SIDT1: variants seen among roughly 807,000 people sequenced by gnomAD.
SIDT1 encodes SID1 transmembrane family, member 1.
Under a neutral mutation model 107.5 loss-of-function variants are expected in SIDT1, and 101 were observed. That is an observed-to-expected ratio of 0.94 (90% CI 0.80 to 1.11). The LOEUF (loss-of-function observed/expected upper bound fraction) is 1.11. SIDT1 is among the 50% of genes least tolerant of loss of function. The pLI is 0.00. For missense variants in SIDT1, 1,076 were observed against 1,058.2 expected, an observed-to-expected ratio of 1.02 and a Z score of -0.23; for synonymous variants, 395 against 398.2, an observed-to-expected ratio of 0.99 and a Z score of 0.10.
chr3:113,607,688 AC>A (rs1945437972), intron 15 of SIDT1, among the ~76,000 whole-genome samples: 1 of 152,194 alleles, frequency 6.6e-6, no homozygotes, highest in Admixed American at 6.5e-5. Context: ...GCTGACACTT[AC>A]CTGAAATTCA....
chr3:113,556,515 T>A (rs1940872428), intron 1 of SIDT1, among the ~76,000 whole-genome samples: 1 of 152,094 alleles, frequency 6.6e-6, no homozygotes, highest in Non-Finnish European at 1.5e-5. Flanking sequence ...TAACATGCAA[T>A]CCCATGAAGA....
chr3:113,534,063 G>C (rs1398588382), intron 1 of SIDT1, among the ~76,000 whole-genome samples: 1 of 152,144 alleles, frequency 6.6e-6, no homozygotes, highest in East Asian at 1.9e-4. Context: ...TGGGCGGGGA[G>C]AGAGAGGGAG....
intron 3 of SIDT1, among the ~76,000 whole-genome samples, chr3:113,576,629 A>G (rs1184137449): frequency 6.6e-6 from 1 of 152,190 alleles, no homozygotes; most frequent in Non-Finnish European, 1.5e-5. Flanking sequence ...CCAAGGCAAA[A>G]GTGGCTACAA....
At chr3:113,598,075 A>G (rs1944702592) in intron 10 of SIDT1, among the ~76,000 whole-genome samples, 1 of 152,222 alleles carries the variant, frequency 6.6e-6, no homozygotes, top group South Asian at 2.1e-4. Context: ...GAATGAAAAC[A>G]TTTTTGCATG....
Position 113,580,192 on chromosome 3 carries a change from C to T in SIDT1, c.562-416C>T, listed in dbSNP as rs140396565. The stretch of plus-strand genomic sequence containing the variant: ...AATTATTGAGGAACAGGCTTATCTG[C>T]TTTTCAATATGGAATTTTCGTATGT... On this transcript the variant is annotated intron_variant, in intron 4 of 24. Transcript: ENST00000264852. Among the ~76,000 whole-genome samples the T allele has an allele frequency of 5.3e-5, 8 of 152,240 alleles. No individual in the cohort carries two copies. The East Asian group carries it at 1.2e-3, about 22-fold the overall frequency.
chr3:113,571,159 C>T (rs372904217), intron 3 of SIDT1, among the ~76,000 whole-genome samples: 44 of 152,152 alleles, frequency 2.9e-4, no homozygotes, highest in Admixed American at 1.4e-3. Flanking sequence ...CAGTGGCTCC[C>T]GCCTGTAATT....
chr3:113,623,577 G>A, intron 22 of SIDT1, 45 bp downstream of exon 22: 1 of 1,600,314 alleles, frequency 6.2e-7, no homozygotes, highest in Non-Finnish European at 8.6e-7. Context: ...CCTCGGGCAG[G>A]CGAAGGCGGG....
chr3:113,581,517 T>C, intron 6 of SIDT1, 73 bp downstream of exon 6: 2 of 1,205,410 alleles, frequency 1.7e-6, no homozygotes. Flanking sequence ...TGGGCCAGCA[T>C]CCAAAAGGGA....
chr3:113,560,535 T>C (rs1474302895), intron 1 of SIDT1, among the ~76,000 whole-genome samples: 1 of 152,094 alleles, frequency 6.6e-6, no homozygotes, highest in Non-Finnish European at 1.5e-5. Context: ...GAGGAGGAGC[T>C]GTAGAGGTAC....
chr3:113,561,951 C>T (rs897357196), intron 1 of SIDT1, among the ~76,000 whole-genome samples: 4 of 152,140 alleles, frequency 2.6e-5, no homozygotes, highest in African/African-American at 7.2e-5. Flanking sequence ...ACTGCTATAG[C>T]TTTTAAGCCA....
chr3:113,594,727 G>A (rs1176594122), intron 10 of SIDT1: 1 of 152,306 alleles, frequency 6.6e-6, no homozygotes, highest in African/African-American at 2.4e-5. Flanking sequence ...ACCAAAAAGA[G>A]TAAAGATGCA....
chr3:113,544,596 T>C (rs1183584040), intron 1 of SIDT1, among the ~76,000 whole-genome samples: 3 of 152,200 alleles, frequency 2.0e-5, no homozygotes, highest in Non-Finnish European at 4.4e-5. Flanking sequence ...GTTTGGAGAA[T>C]GTCTCACAAT....
chr3:113,534,324 G>T (rs1226904726), intron 1 of SIDT1, among the ~76,000 whole-genome samples: 11 of 152,164 alleles, frequency 7.2e-5, no homozygotes, highest in Admixed American at 7.2e-4. Flanking sequence ...ATTGAGCAGG[G>T]GGGACCAATG....
Position 113,533,155 on chromosome 3 carries a change from G to A in SIDT1, c.134G>A (p.Gly45Asp). ...PRRDPFDAAR[G>D]ADFDHVYSGV... ...CGCGACCCCTTCGACGCTGCCAGGG[G>A]CGCCGATTTCGATCATGTCTACAGC... The change falls in exon 1 of 25, where the codon GGC (glycine) becomes GAC (aspartate). Residue 45 changes from glycine (G) to aspartate (D), a missense_variant. Transcript: ENST00000264852. The A allele has an allele frequency of 6.3e-7, 1 of 1,578,284 alleles. No individual in the cohort carries two copies. Among genetic ancestry groups the A allele is most frequent in the Non-Finnish European group, 8.6e-7 (1 of 1,163,822 alleles).
intron 3 of SIDT1, among the ~76,000 whole-genome samples, chr3:113,569,265 G>C (rs943148123): frequency 5.3e-5 from 8 of 152,198 alleles, no homozygotes; most frequent in African/African-American, 1.9e-4. Context: ...TGGTACCTTT[G>C]GGGAGGAGAG....
chr3:113,584,811 C>G, intron 8 of SIDT1, 42 bp downstream of exon 8: 1 of 1,316,524 alleles, frequency 7.6e-7, no homozygotes, highest in African/African-American at 1.5e-5. Context: ...ATTCCTGTGT[C>G]AGAAAATCAG....
intron 17 of SIDT1, among the ~76,000 whole-genome samples, chr3:113,609,697 C>T (rs1945603809): frequency 1.3e-5 from 2 of 152,112 alleles, no homozygotes; most frequent in African/African-American, 4.8e-5. Context: ...CTGGTGTTAA[C>T]TCTGAGCACC....
intron 21 of SIDT1, chr3:113,620,051 GATAA>G (rs1281958928): frequency 2.4e-4 from 46 of 192,400 alleles, no homozygotes; most frequent in African/African-American, 5.9e-4. Flanking sequence ...ATAGATGATA[GATAA>G]ATAGATAGAT....
intron 1 of SIDT1, among the ~76,000 whole-genome samples, chr3:113,554,675 G>T (rs979137365): frequency 1.3e-5 from 2 of 152,146 alleles, no homozygotes; most frequent in African/African-American, 4.8e-5. Flanking sequence ...TTTCTTCACA[G>T]CAGTATGAAA....
Sources: allele counts gnomAD v4.1 joint callset (sites outside exome capture counted in the v4.1 genomes callset), GRCh38; gene constraint gnomAD v4.1.1; transcripts MANE v1.5; gene names NCBI Gene and HGNC (gene_info 2026-07-23, HGNC 2026-07-21).